KCNQ2: variants seen among roughly 807,000 people sequenced by gnomAD.
The protein encoded by KCNQ2 is potassium voltage-gated channel subfamily Q member 2.
In KCNQ2, 14 loss-of-function variants were observed where a neutral mutation model predicts 84.8. The ratio of observed to expected loss-of-function variants is 0.17; its 90% CI spans 0.11 to 0.26. The LOEUF is 0.26. KCNQ2 is among the 10% of genes least tolerant of loss of function. The pLI is 1.00. For synonymous variants in KCNQ2, 599 were observed against 554.1 expected (o/e 1.08, Z -1.14); for missense variants, 788 against 1,254.0 (o/e 0.63, Z 5.61).
At chr20:63,465,906 G>A (rs1030106053) in intron 1 of KCNQ2, among the ~76,000 whole-genome samples, 12 of 152,214 alleles carry the variant, frequency 7.9e-5, no homozygotes, top group African/African-American at 2.7e-4. Context: ...GGCTGGGCGC[G>A]TGTCGGTGCT....
At chr20:63,462,224 T>C (rs1393149653) in intron 1 of KCNQ2, among the ~76,000 whole-genome samples, 370 of 66,142 alleles carry the variant, frequency 5.6e-3, no homozygotes, top group Middle Eastern at 0.029. Context: ...GGAGGCTGCA[T>C]CTACCCCAGG....
At chr20:63,451,994 C>G (rs1467227013) in intron 1 of KCNQ2, among the ~76,000 whole-genome samples, 2 of 152,268 alleles carry the variant, frequency 1.3e-5, no homozygotes, top group Admixed American at 1.3e-4. Context: ...ACCACACAGT[C>G]TGAAGCAGAG....
At chr20:63,458,624 C>T (rs376891785) in intron 1 of KCNQ2, among the ~76,000 whole-genome samples, 9 of 152,220 alleles carry the variant, frequency 5.9e-5, no homozygotes, top group Admixed American at 2.0e-4. Flanking sequence ...ACTGTCCCCC[C>T]AGAGCAGCGG....
intron 8 of KCNQ2, among the ~76,000 whole-genome samples, chr20:63,432,603 T>C (rs71191628): frequency 3.7e-4 from 37 of 99,948 alleles, no homozygotes; most frequent in Admixed American, 6.3e-4. Flanking sequence ...CAGGGAAGGC[T>C]CCACCCACAG....
rs942268762 is a variant in KCNQ2, at chr20:63,404,219, A to T, written c.*2425T>A. On this transcript the variant is annotated 3_prime_UTR_variant, in exon 17 of 17. Coordinates refer to ENST00000359125, the MANE Select transcript of KCNQ2 (RefSeq NM_172107.4). ...CAGGTGCTCATGCCTCAGCGGCCCC[A>T]TGGGAGGAAAGAGCAGGCGGGGCCT... 9 of 152,134 alleles carry T rather than the reference A, an allele frequency of 5.9e-5. No individual in the cohort carries two copies. Among genetic ancestry groups the T allele is most frequent in the African/African-American group, 1.7e-4 (7 of 41,260 alleles). The allele number at this position is 152,134 out of a possible 1,614,324, so 9.4% of individuals were successfully genotyped here.
intron 1 of KCNQ2, chr20:63,447,249 T>A: frequency 3.8e-6 from 1 of 261,770 alleles, no homozygotes; most frequent in Non-Finnish European, 7.5e-6. Context: ...GCAAAACCCC[T>A]GGGGCAGAAG....
intron 15 of KCNQ2, chr20:63,410,056 G>A (rs1037970118): frequency 6.5e-5 from 17 of 262,336 alleles, no homozygotes; most frequent in Admixed American, 1.1e-4. Context: ...CGGCCACAGT[G>A]CAGCTCCTCA....
In KCNQ2 at chr20:63,407,028, C is replaced by T. The variant is rs139587368; in HGVS notation, c.2235G>A (p.Pro745=). ...CGGACAGCGACCGCTCGTGGGCAGGCGGCGGCGGGATGCGCACCAGGGAGC... is the reference window on the plus strand; with the variant it reads ...CGGACAGCGACCGCTCGTGGGCAGGTGGCGGCGGGATGCGCACCAGGGAGC... ...DHGSLVRIPP[P]PAHERSLSAY... Residue 745 remains proline (P), a synonymous_variant, in exon 17 of 17, where the codon CCG becomes CCA. Coordinates refer to ENST00000359125, the MANE Select transcript of KCNQ2 (RefSeq NM_172107.4). This position sits in a 1 kb window ranked among gnomAD's most constrained non-coding sequence, Gnocchi z 7.2. The T allele has an allele frequency of 3.7e-3, 5,624 of 1,517,678 alleles. 189 individuals carry two copies. In the East Asian group the frequency reaches 0.08, roughly 22 times the overall value. 94.0% of individuals were successfully genotyped at this position (1,517,678 alleles called of 1,614,324 possible).
chr20:63,412,106 G>GC, intron 15 of KCNQ2: 2 of 519,606 alleles, frequency 3.8e-6, no homozygotes, highest in East Asian at 7.3e-5. Context: ...GTGGCGGGCG[G>GC]CCCCACTGCG....
chr20:63,429,931 G>T (rs2080743909), intron 9 of KCNQ2, among the ~76,000 whole-genome samples: 1 of 152,216 alleles, frequency 6.6e-6, no homozygotes. Flanking sequence ...CCCCCTCCCT[G>T]CAGAGGACAG....
intron 4 of KCNQ2, among the ~76,000 whole-genome samples, chr20:63,442,970 A>T (rs868716470): frequency 0.053 from 4,937 of 92,426 alleles, 174 homozygotes; most frequent in Non-Finnish European, 0.076. Context: ...CACCACCACC[A>T]CCACCATCAC....
chr20:63,472,490 C>A lies in KCNQ2; in HGVS notation c.-27G>T, dbSNP rs1179053049. ...GTGCCTGGCGGGAGGCGCCCCGGGT[C>A]GGGCTCAGGCTCAGCGGGGGCGGAG... On this transcript the variant is annotated 5_prime_UTR_variant, in exon 1 of 17. Transcript: ENST00000359125. The A allele has an allele frequency of 2.7e-6, 4 of 1,458,438 alleles. No homozygotes were observed. The highest frequency in any genetic ancestry group is 2.4e-5 in the Admixed American group (1 of 41,602). 90.3% of individuals were successfully genotyped at this position (1,458,438 alleles called of 1,614,324 possible). A position where few individuals can be genotyped will look rare whatever the true frequency, so the allele number is the denominator to read the frequency against.
chr20:63,402,681 T>C lies in KCNQ2; in HGVS notation c.*3963A>G, dbSNP rs1372994227. ...GCTGTGCCTCTCCTCCGGGCGGGAC[T>C]TGGGGTGATCAGACCCACAGCTCAA... On this transcript the variant is annotated 3_prime_UTR_variant, in exon 17 of 17. Transcript: ENST00000359125. 6.6e-6 allele frequency: 1 copy of C among 152,326 alleles called. No individual in the cohort carries two copies. Among genetic ancestry groups the C allele is most frequent in the Non-Finnish European group, 1.5e-5 (1 of 68,124 alleles). The allele number at this position is 152,326 out of a possible 1,614,324, so 9.4% of individuals were successfully genotyped here. A position where few individuals can be genotyped will look rare whatever the true frequency, so the allele number is the denominator to read the frequency against.
intron 8 of KCNQ2, among the ~76,000 whole-genome samples, chr20:63,431,640 G>A (rs1442469780): frequency 1.3e-5 from 2 of 152,090 alleles, no homozygotes. Flanking sequence ...TGGTGCTGAG[G>A]GAGGGGTTGG....
rs2080008915 is a variant in KCNQ2 at position 63,408,248 on chromosome 20, G to A, written c.1887+165C>T. 2 of 889,146 alleles carry A rather than the reference G, an allele frequency of 2.2e-6. No homozygotes were observed. The highest frequency in any genetic ancestry group is 3.4e-6 in the Non-Finnish European group (2 of 584,368). The allele number at this position is 889,146 out of a possible 1,614,324, so 55.1% of individuals were successfully genotyped here. A position where few individuals can be genotyped will look rare whatever the true frequency, so the allele number is the denominator to read the frequency against. Reference sequence around the variant, plus strand: ...GGGGGTGGGAGGCTCACGGTGGGGTGTGAGGGGTCTGCACAGAGCAGCTGT... The same window carrying A: ...GGGGGTGGGAGGCTCACGGTGGGGTATGAGGGGTCTGCACAGAGCAGCTGT... On this transcript the variant is annotated intron_variant, in intron 16 of 16. Coordinates refer to ENST00000359125, the MANE Select transcript of KCNQ2 (RefSeq NM_172107.4). The surrounding 1 kb of genome is among the most constrained non-coding windows in gnomAD (Gnocchi z 5.0).
chr20:63,450,178 C>T (rs1222087607), intron 1 of KCNQ2, among the ~76,000 whole-genome samples: 1 of 151,538 alleles, frequency 6.6e-6, no homozygotes. Context: ...CCTCCCCCAC[C>T]CCTCCCTCAC....
At position 63,433,815 on chromosome 20, in the gene KCNQ2, A is replaced by C. The variant is rs1355249528; in HGVS notation, c.1112T>G (p.Met371Arg). 6.2e-7 allele frequency: 1 copy of C among 1,614,000 alleles called. No individual in the cohort carries two copies. The highest frequency in any genetic ancestry group is 1.1e-5 in the South Asian group (1 of 91,086). ...AGGTGCCCGGCGGCGGTACCTGTACATGGGCACGGTGACCGTTCGCTCGTA... is the reference window on the plus strand; with the variant it reads ...AGGTGCCCGGCGGCGGTACCTGTACCTGGGCACGGTGACCGTTCGCTCGTA... ...QYYERTVTVPMYSSQTQTYGA... is the reference protein window; with the variant it reads ...QYYERTVTVPRYSSQTQTYGA... Residue 371 changes from methionine to arginine, a missense_variant, in exon 8 of 17, where the codon ATG becomes AGG. By Grantham distance (91) the Met-to-Arg change is moderately conservative. This residue lies in a region of KCNQ2 where 202 missense variants were observed against 239.4 expected (regional missense o/e 0.84). Coordinates refer to ENST00000359125, the MANE Select transcript of KCNQ2 (RefSeq NM_172107.4).
chr20:63,419,702 G>A lies in KCNQ2; in HGVS notation c.1248-30C>T, dbSNP rs762401312. On this transcript the variant is annotated intron_variant, in intron 11 of 16. Transcript: ENST00000359125. ...AAATGAGGAGAGCACAGTTAGTCCT[G>A]GGCGCCGGCAACAGCACACGGCCGG... The A allele has an allele frequency of 2.5e-6, 4 of 1,596,176 alleles. No homozygotes were observed. The South Asian group carries it at 4.5e-5, about 18-fold the overall frequency.
intron 7 of KCNQ2, among the ~76,000 whole-genome samples, chr20:63,437,655 C>T (rs1343547055): frequency 6.6e-6 from 1 of 152,238 alleles, no homozygotes; most frequent in African/African-American, 2.4e-5. Context: ...CCAGGATTAT[C>T]TCCATCTCAA....
Sources: allele counts gnomAD v4.1 joint callset (sites outside exome capture counted in the v4.1 genomes callset), GRCh38; gene constraint gnomAD v4.1.1; regional missense constraint gnomAD v4.1.1; non-coding constraint Gnocchi (gnomAD v3.1); transcripts MANE v1.5; gene names NCBI Gene and HGNC (gene_info 2026-07-23, HGNC 2026-07-21).